Variants in FBN1 observed in about 807,000 individuals in gnomAD.
FBN1 encodes the protein fibrillin 1, also known as fibrillin-1.
A neutral mutation model predicts 365.1 loss-of-function variants in FBN1; 29 were observed. That is an observed-to-expected ratio of 0.08 (90% CI 0.06 to 0.11). The LOEUF is 0.11. Among genes scored for constraint, FBN1 ranks in the 10% least tolerant of loss-of-function variants. The pLI is 1.00. For synonymous variants in FBN1, 1,210 were observed against 1,270.5 expected (o/e 0.95, Z 1.01); for missense variants, 2,476 against 3,703.2 (o/e 0.67, Z 8.60).
chr15:48,588,803 G>C (rs1330325685), intron 6 of FBN1, among the ~76,000 whole-genome samples: 1 of 152,170 alleles, frequency 6.6e-6, no homozygotes, highest in Non-Finnish European at 1.5e-5. Flanking sequence ...GCCCTTCCTG[G>C]GAAACTGGTG....
chr15:48,587,493 T>C (rs2044446661), intron 6 of FBN1, among the ~76,000 whole-genome samples: 1 of 152,208 alleles, frequency 6.6e-6, no homozygotes, highest in South Asian at 2.1e-4. Flanking sequence ...GAGTTGACGT[T>C]GTGCCTTTGC....
intron 6 of FBN1, among the ~76,000 whole-genome samples, chr15:48,576,440 T>C (rs1162736430): frequency 6.6e-6 from 1 of 152,158 alleles, no homozygotes; most frequent in Non-Finnish European, 1.5e-5. Flanking sequence ...GCATTATCAC[T>C]CTGTACTGGA....
chr15:48,571,562 T>G (rs1013751864), intron 6 of FBN1, among the ~76,000 whole-genome samples: 4 of 152,088 alleles, frequency 2.6e-5, no homozygotes, highest in African/African-American at 9.7e-5. Flanking sequence ...TAAAAAAAGA[T>G]TTAAGAACCT....
intron 12 of FBN1, 36 bp downstream of exon 12, chr15:48,515,351 C>G: frequency 6.2e-7 from 1 of 1,613,006 alleles, no homozygotes; most frequent in Non-Finnish European, 8.5e-7. Flanking sequence ...AGAATTACAA[C>G]AGACCCTTGG....
At chr15:48,414,365 T>C (rs1330372648) in intron 64 of FBN1, among the ~76,000 whole-genome samples, 2 of 152,196 alleles carry the variant, frequency 1.3e-5, no homozygotes, top group Non-Finnish European at 2.9e-5. Context: ...GCTACATTAA[T>C]AATTTGGTAT....
rs1404948229 is a variant in FBN1 at position 48,496,354 on chromosome 15, T to C, written c.2294-129A>G. On this transcript the variant is annotated intron_variant, in intron 19 of 65. Coordinates refer to ENST00000316623, the MANE Select transcript of FBN1 (RefSeq NM_000138.5). Reference sequence around the variant, plus strand: ...TTCAAGCAAAAAGGCAAAACTCCTGTAGCATTAGCTTTTACCTAAACTATC... The same window carrying C: ...TTCAAGCAAAAAGGCAAAACTCCTGCAGCATTAGCTTTTACCTAAACTATC... The C allele has an allele frequency of 6.3e-6, 7 of 1,107,004 alleles. No individual in the cohort carries two copies. The South Asian group carries it at 6.9e-5, about 11-fold the overall frequency. The allele number at this position is 1,107,004 out of a possible 1,614,324, so 68.6% of individuals were successfully genotyped here. A position where few individuals can be genotyped will look rare whatever the true frequency, so the allele number is the denominator to read the frequency against.
intron 46 of FBN1, among the ~76,000 whole-genome samples, chr15:48,447,698 G>A (rs1416111740): frequency 6.6e-6 from 1 of 152,140 alleles, no homozygotes; most frequent in Non-Finnish European, 1.5e-5. Context: ...TAACAACGGA[G>A]AATAGCAAAA....
At chr15:48,566,279 T>A (rs979477636) in intron 6 of FBN1, among the ~76,000 whole-genome samples, 1 of 152,190 alleles carries the variant, frequency 6.6e-6, no homozygotes, top group Non-Finnish European at 1.5e-5. Context: ...TCTCAGTAAA[T>A]AAAATGAAAT....
chr15:48,588,252 T>A (rs1051374364), intron 6 of FBN1, among the ~76,000 whole-genome samples: 1 of 152,202 alleles, frequency 6.6e-6, no homozygotes, highest in Non-Finnish European at 1.5e-5. Context: ...TCTATTGACA[T>A]AAAACTTTCA....
At chr15:48,482,043 A>T (rs746714243) in intron 31 of FBN1, among the ~76,000 whole-genome samples, 1 of 152,174 alleles carries the variant, frequency 6.6e-6, no homozygotes, top group Non-Finnish European at 1.5e-5. Flanking sequence ...CTGAGTTTAG[A>T]GCTCGTTTAT....
chr15:48,459,501 A>G (rs1037230001), intron 43 of FBN1, among the ~76,000 whole-genome samples: 1 of 152,202 alleles, frequency 6.6e-6, no homozygotes, highest in Non-Finnish European at 1.5e-5. Flanking sequence ...AATAAGGTGG[A>G]ATAAAGCAAG....
intron 2 of FBN1, among the ~76,000 whole-genome samples, chr15:48,613,504 AT>A (rs2044672954): frequency 6.6e-6 from 1 of 152,070 alleles, no homozygotes; most frequent in Non-Finnish European, 1.5e-5. Context: ...ATATATATAT[AT>A]TTTCCTACGG....
At chr15:48,443,571 T>C (rs1338768788) in intron 49 of FBN1, among the ~76,000 whole-genome samples, 1 of 152,174 alleles carries the variant, frequency 6.6e-6, no homozygotes, top group Non-Finnish European at 1.5e-5. Context: ...CACCACTTGA[T>C]TGTTACTTAA....
intron 6 of FBN1, among the ~76,000 whole-genome samples, chr15:48,560,294 G>T (rs1478752177): frequency 2.0e-5 from 3 of 152,168 alleles, no homozygotes; most frequent in Non-Finnish European, 4.4e-5. Flanking sequence ...CCTGGTTGGT[G>T]ATGGGCTTTA....
At chr15:48,508,490 G>A (rs1335325967) in intron 15 of FBN1, 92 bp downstream of exon 15, 1 of 1,554,368 alleles carries the variant, frequency 6.4e-7, no homozygotes, top group Admixed American at 1.7e-5. Context: ...CTTTAAGTGG[G>A]GAGAATCAGT....
chr15:48,523,221 A>C (rs73394221), intron 9 of FBN1, among the ~76,000 whole-genome samples: 2,336 of 152,362 alleles, frequency 0.015, 66 homozygotes, highest in African/African-American at 0.055. Flanking sequence ...CACTTGACCA[A>C]ATTATGGAAT....
At chr15:48,623,687 T>C (rs2118181) in intron 2 of FBN1, among the ~76,000 whole-genome samples, 34,584 of 152,102 alleles carry the variant, frequency 0.23, 6,171 homozygotes, top group African/African-American at 0.5. Flanking sequence ...ACAAAATTCA[T>C]AGAGTGACCT....
At position 48,469,141 on chromosome 15, in the gene FBN1, C is replaced by CAT. The variant is rs1396717272; in HGVS notation, c.4460-609_4460-608dup. On this transcript the variant is annotated intron_variant, in intron 36 of 65. Coordinates refer to ENST00000316623, the MANE Select transcript of FBN1 (RefSeq NM_000138.5). ...TATATATAAAATATAATATATATTA[C>CAT]ATATATATATATAACTTTGGCACTA... Among the ~76,000 whole-genome samples the CAT allele has an allele frequency of 3.1e-3, 398 of 129,958 alleles. 2 individuals carry two copies. Among genetic ancestry groups the CAT allele is most frequent in the African/African-American group, 0.011 (362 of 32,702 alleles). The allele number at this position is 129,958 out of a possible 152,430, so 85.3% of individuals were successfully genotyped here. A position where few individuals can be genotyped will look rare whatever the true frequency, so the allele number is the denominator to read the frequency against.
Position 48,618,935 on chromosome 15 carries a change from G to T in FBN1, c.165-5843C>A, listed in dbSNP as rs555143599. 2.6e-5 allele frequency among the ~76,000 whole-genome samples: 4 copies of T among 152,214 alleles called. No individual in the cohort carries two copies. The South Asian group carries it at 8.3e-4, about 32-fold the overall frequency. ...CACCACCAGATGGGATCCTCTAGTC[G>T]CAGGAAAACAAGCTCAAGGCTCCCA... On this transcript the variant is annotated intron_variant, in intron 2 of 65. Coordinates refer to ENST00000316623, the MANE Select transcript of FBN1 (RefSeq NM_000138.5).
Sources: allele counts gnomAD v4.1 joint callset (sites outside exome capture counted in the v4.1 genomes callset), GRCh38; gene constraint gnomAD v4.1.1; transcripts MANE v1.5; gene names NCBI Gene and HGNC (gene_info 2026-07-23, HGNC 2026-07-21).